The following FRMPD4 variants were observed in gnomAD, a reference collection of about 807,000 sequenced individuals.
FRMPD4 encodes the protein FERM and PDZ domain-containing protein 4.
A neutral mutation model predicts 94.1 loss-of-function variants in FRMPD4; 22 were observed. That is an observed-to-expected ratio of 0.23 (90% CI 0.17 to 0.33). FRMPD4 has a LOEUF of 0.33. Ranked by LOEUF, FRMPD4 falls within the 10% of genes least tolerant of loss-of-function variation. The probability of loss-of-function intolerance (pLI) is 1.00; values close to 1 mark genes in which losing one functional copy is unlikely to be tolerated. For synonymous variants in FRMPD4, 631 were observed against 548.6 expected (o/e 1.15, Z -2.10); for missense variants, 1,111 against 1,339.9 (o/e 0.83, Z 2.67).
At chrX:11,840,437 T>C (rs907082496) in intron 1 of FRMPD4, among the ~76,000 whole-genome samples, 10 of 111,248 alleles carry the variant, frequency 9.0e-5, no homozygotes, top group Non-Finnish European at 1.7e-4. Context: ...GCTGGTATGT[T>C]AGTTGTAGTA....
In FRMPD4 at chrX:11,974,078, G is replaced by GA. The variant is rs112953214; in HGVS notation, c.95+96066dup. 9.1e-3 allele frequency among the ~76,000 whole-genome samples: 1,016 copies of GA among 111,611 alleles called. 8 individuals carry two copies. The highest frequency in any genetic ancestry group is 0.032 in the African/African-American group (982 of 30,704). On this transcript the variant is annotated intron_variant, in intron 3 of 18. Coordinates refer to the FRMPD4 transcript ENST00000640291. ...AGCATGGAGTTAAAGAATTTGCAGAGAAAAAATCAAAGTCAGGAGATAGGA... is the reference window on the plus strand; with the variant it reads ...AGCATGGAGTTAAAGAATTTGCAGAGAAAAAAATCAAAGTCAGGAGATAGGA...
intron 1 of FRMPD4, among the ~76,000 whole-genome samples, chrX:12,424,790 T>G (rs972704087): frequency 2.7e-4 from 31 of 112,977 alleles, no homozygotes; most frequent in African/African-American, 8.4e-4. Context: ...GCTTTCAACA[T>G]TTTTTAATAA....
In FRMPD4 at chrX:11,911,119, T is replaced by C. The variant is rs183599128; in HGVS notation, c.95+33101T>C. The stretch of plus-strand genomic sequence containing the variant: ...TCTCAGCTACTCAACTCTGCTGTTA[T>C]AGTGCAAAAGCAACCATGGACAATA... On this transcript the variant is annotated intron_variant, in intron 3 of 18. Coordinates refer to the FRMPD4 transcript ENST00000640291. Among the ~76,000 whole-genome samples, 361 of 112,443 alleles carry C rather than the reference T, an allele frequency of 3.2e-3. 4 individuals are homozygous for C. Among genetic ancestry groups the C allele is most frequent in the African/African-American group, 0.011 (332 of 30,966 alleles).
chrX:12,167,437 A>C (rs943067444), intron 1 of FRMPD4, among the ~76,000 whole-genome samples: 2 of 111,196 alleles, frequency 1.8e-5, no homozygotes, highest in Admixed American at 9.6e-5. Context: ...ATAATTTCTA[A>C]GAATATGGGG....
At chrX:12,281,647 T>C (rs1050215142) in intron 1 of FRMPD4, among the ~76,000 whole-genome samples, 2 of 111,904 alleles carry the variant, frequency 1.8e-5, no homozygotes, top group Non-Finnish European at 1.9e-5. Flanking sequence ...AGTGCTGAGA[T>C]TCCAGGTGTG....
chrX:12,012,885 GA>G (rs1408521253), intron 3 of FRMPD4, among the ~76,000 whole-genome samples: 3 of 112,440 alleles, frequency 2.7e-5, no homozygotes, highest in Admixed American at 9.4e-5. Context: ...ACTAAGTTGA[GA>G]AAACTTCATG....
At chrX:12,643,402 C>T (rs912931731) in intron 4 of FRMPD4, among the ~76,000 whole-genome samples, 87 of 111,593 alleles carry the variant, frequency 7.8e-4, no homozygotes, top group East Asian at 1.7e-3. Flanking sequence ...GGATTACAGG[C>T]GTGAGGCACC....
At chrX:12,585,226 ATT>A (rs60514161) in intron 2 of FRMPD4, among the ~76,000 whole-genome samples, 1 of 104,032 alleles carries the variant, frequency 9.6e-6, no homozygotes, top group Non-Finnish European at 2.0e-5. Flanking sequence ...CAAATAATCA[ATT>A]TTTTTTTTCT....
At chrX:12,530,285 T>G (rs139745543) in intron 2 of FRMPD4, among the ~76,000 whole-genome samples, 1 of 111,646 alleles carries the variant, frequency 9.0e-6, no homozygotes, top group African/African-American at 3.3e-5. Flanking sequence ...ATGACCAGAT[T>G]GCTTGGATGT....
intron 3 of FRMPD4, among the ~76,000 whole-genome samples, chrX:12,077,408 G>A (rs1427924454): frequency 1.8e-5 from 2 of 111,785 alleles, no homozygotes; most frequent in Non-Finnish European, 3.8e-5. Context: ...TCAGTCCCTC[G>A]GTTCCTAATG....
At chrX:12,680,886 A>T (rs769587261) in intron 5 of FRMPD4, among the ~76,000 whole-genome samples, 10 of 110,602 alleles carry the variant, frequency 9.0e-5, no homozygotes, top group Non-Finnish European at 1.7e-4. Context: ...GCTAGTAAAT[A>T]TGGGGCTATT....
intron 2 of FRMPD4, among the ~76,000 whole-genome samples, chrX:11,867,874 C>A (rs2053730632): frequency 9.0e-6 from 1 of 111,555 alleles, no homozygotes; most frequent in Admixed American, 9.5e-5. Flanking sequence ...TTCCACGTTT[C>A]CAAGATCCCC....
intron 1 of FRMPD4, among the ~76,000 whole-genome samples, chrX:12,458,968 G>C (rs185581300): frequency 2.1e-4 from 23 of 112,075 alleles, no homozygotes; most frequent in African/African-American, 7.5e-4. Flanking sequence ...AGCATAAGAT[G>C]AAGTAGAAGG....
intron 3 of FRMPD4, among the ~76,000 whole-genome samples, chrX:12,053,675 C>T (rs905740154): frequency 9.0e-6 from 1 of 111,636 alleles, no homozygotes; most frequent in African/African-American, 3.3e-5. Context: ...TCTTAAGCCT[C>T]TTCAAAATCT....
chrX:12,242,308 C>T (rs1306951757), intron 1 of FRMPD4, among the ~76,000 whole-genome samples: 1 of 111,192 alleles, frequency 9.0e-6, no homozygotes, highest in Non-Finnish European at 1.9e-5. Flanking sequence ...CAACCTTGTA[C>T]TCTCATTCAC....
intron 2 of FRMPD4, among the ~76,000 whole-genome samples, chrX:12,527,800 G>C (rs1400440623): frequency 8.9e-6 from 1 of 112,105 alleles, no homozygotes; most frequent in Non-Finnish European, 1.9e-5. Context: ...CTTTCTTACA[G>C]AGATGGGATG....
chrX:12,463,329 T>C (rs2057410227), intron 1 of FRMPD4, among the ~76,000 whole-genome samples: 1 of 111,191 alleles, frequency 9.0e-6, no homozygotes, highest in Admixed American at 9.6e-5. Context: ...ACTTGAAAAA[T>C]ACATGACTTG....
At chrX:11,884,342 C>G (rs186218750) in intron 3 of FRMPD4, among the ~76,000 whole-genome samples, 7 of 111,713 alleles carry the variant, frequency 6.3e-5, no homozygotes, top group Non-Finnish European at 1.3e-4. Context: ...AGGGGATAGA[C>G]GTCTCTGCTA....
chrX:11,848,293 G>C (rs2053594657), intron 1 of FRMPD4, among the ~76,000 whole-genome samples: 1 of 111,167 alleles, frequency 9.0e-6, no homozygotes, highest in Non-Finnish European at 1.9e-5. Flanking sequence ...ATTTGTGGCT[G>C]TTGATGTCTC....
Sources: allele counts gnomAD v4.1 joint callset (sites outside exome capture counted in the v4.1 genomes callset), GRCh38; gene constraint gnomAD v4.1.1; transcripts MANE v1.5; gene names NCBI Gene and HGNC (gene_info 2026-07-23, HGNC 2026-07-21).